The following COL23A1 variants were observed in gnomAD, a reference collection of about 807,000 sequenced individuals.
COL23A1 encodes collagen alpha-1(XXIII) chain.
COL23A1 carries 97 observed loss-of-function variants against 99.3 expected under a neutral mutation model. That is an observed-to-expected ratio of 0.98 (90% CI 0.83 to 1.16). The LOEUF is 1.16. Ranked by LOEUF, COL23A1 falls within the 50% of genes most tolerant of loss-of-function variation. COL23A1 has a pLI of 0.00. For synonymous variants in COL23A1, 320 were observed against 308.2 expected, an observed-to-expected ratio of 1.04 and a Z score of -0.40; for missense variants, 762 against 757.4, an observed-to-expected ratio of 1.01 and a Z score of -0.07.
intron 2 of COL23A1, among the ~76,000 whole-genome samples, chr5:178,532,354 C>A (rs150272972): frequency 8.5e-5 from 13 of 152,230 alleles, no homozygotes; most frequent in African/African-American, 3.1e-4. Flanking sequence ...TTAGGAGCAG[C>A]CTTAAGAAAG....
intron 2 of COL23A1, among the ~76,000 whole-genome samples, chr5:178,499,607 AG>A (rs926082773): frequency 3.6e-4 from 55 of 152,254 alleles, no homozygotes; most frequent in African/African-American, 1.3e-3. Flanking sequence ...AGAGGAACCC[AG>A]GAAGATATGA....
chr5:178,249,156 G>A lies in COL23A1; in HGVS notation c.1110C>T (p.Leu370=). 1.2e-6 allele frequency: 2 copies of A among 1,614,202 alleles called. No homozygotes were observed. Among genetic ancestry groups the A allele is most frequent in the East Asian group, 2.2e-5 (1 of 44,888 alleles). ...GDPGEPGPAG[L]KGEAGEMGLS... Reference sequence around the variant, plus strand: ...AGCCCATCTCGCCTGCTTCCCCTTTGAGTCCTGCTGGCCCAGGCTCTCCTG... The same window carrying A: ...AGCCCATCTCGCCTGCTTCCCCTTTAAGTCCTGCTGGCCCAGGCTCTCCTG... Residue 370 remains leucine (L), a synonymous_variant, in exon 19 of 29, where the codon CTC becomes CTT. Transcript: ENST00000390654.
chr5:178,360,984 CAG>C (rs1318906287), intron 2 of COL23A1, among the ~76,000 whole-genome samples: 2 of 152,184 alleles, frequency 1.3e-5, no homozygotes, highest in Non-Finnish European at 2.9e-5. Flanking sequence ...ACTTGGCAAA[CAG>C]GGCTGGACTG....
At chr5:178,559,413 C>T (rs1311920230) in intron 2 of COL23A1, among the ~76,000 whole-genome samples, 2 of 151,184 alleles carry the variant, frequency 1.3e-5, no homozygotes, top group African/African-American at 2.4e-5. Flanking sequence ...CCCTGCATGT[C>T]GAGAAGTCTG....
At chr5:178,408,563 G>T (rs1764878000) in intron 2 of COL23A1, among the ~76,000 whole-genome samples, 1 of 152,018 alleles carries the variant, frequency 6.6e-6, no homozygotes, top group African/African-American at 2.4e-5. Flanking sequence ...GAATGTAATG[G>T]GAGGAAAGGT....
Position 178,590,160 on chromosome 5 carries a change from G to A in COL23A1, c.38C>T (p.Ala13Val). ...GCCGCCCGCCGCATTGCCCTTCCCC[G>A]CGTCGCCGCCGCCACCGGCGCGCTC... The part of the protein sequence containing the change: ...PGERAGGGGD[A>V]GKGNAAGGGG... The change falls in exon 1 of 29, where the codon GCG (alanine) becomes GTG (valine). Residue 13 changes from alanine (A) to valine (V), a missense_variant. By Grantham distance (64) the Ala-to-Val change is moderately conservative. Transcript: ENST00000390654. The surrounding 1 kb of genome is among the most constrained non-coding windows in gnomAD (Gnocchi z 5.7). 8.2e-7 allele frequency: 1 copy of A among 1,224,164 alleles called. No individual in the cohort carries two copies. The highest frequency in any genetic ancestry group is 1.0e-6 in the Non-Finnish European group (1 of 987,434). The allele number at this position is 1,224,164 out of a possible 1,614,324, so 75.8% of individuals were successfully genotyped here.
At chr5:178,473,089 C>T (rs1486109894) in intron 2 of COL23A1, among the ~76,000 whole-genome samples, 2 of 27,508 alleles carry the variant, frequency 7.3e-5, no homozygotes, top group Non-Finnish European at 1.9e-4. Flanking sequence ...TGCCACTGCA[C>T]TCCAGCCTGG....
intron 2 of COL23A1, among the ~76,000 whole-genome samples, chr5:178,433,674 C>G (rs1310437468): frequency 6.6e-6 from 1 of 152,162 alleles, no homozygotes; most frequent in Non-Finnish European, 1.5e-5. Context: ...CTGAATAGTC[C>G]AAGGATTTTA....
chr5:178,287,596 A>AC (rs138113593), intron 5 of COL23A1, among the ~76,000 whole-genome samples: 1,614 of 152,252 alleles, frequency 0.011, 15 homozygotes, highest in Non-Finnish European at 0.015. Context: ...TCCTGACTGC[A>AC]CAGATCTGTC....
At chr5:178,343,300 G>A (rs2094618620) in intron 2 of COL23A1, among the ~76,000 whole-genome samples, 1 of 152,182 alleles carries the variant, frequency 6.6e-6, no homozygotes, top group Non-Finnish European at 1.5e-5. Flanking sequence ...ACAGGATGGG[G>A]ACTAGGTGGA....
chr5:178,292,225 C>G (rs922495146), intron 3 of COL23A1, among the ~76,000 whole-genome samples: 8 of 93,184 alleles, frequency 8.6e-5, no homozygotes, highest in Non-Finnish European at 2.3e-4. Context: ...GCGCCTGTGC[C>G]CGCACCTGCC....
chr5:178,444,557 G>C (rs987133853), intron 2 of COL23A1, among the ~76,000 whole-genome samples: 1 of 152,178 alleles, frequency 6.6e-6, no homozygotes, highest in Non-Finnish European at 1.5e-5. Flanking sequence ...CACTTTGGGA[G>C]GCCAAGGCAG....
intron 16 of COL23A1, 78 bp downstream of exon 16, chr5:178,254,871 A>G: frequency 1.6e-6 from 2 of 1,290,188 alleles, no homozygotes; most frequent in Non-Finnish European, 2.2e-6. Flanking sequence ...AAAGTGCAGG[A>G]TTAATCACAA....
At chr5:178,347,466 T>C (rs2127671835) in intron 2 of COL23A1, among the ~76,000 whole-genome samples, 1 of 151,814 alleles carries the variant, frequency 6.6e-6, no homozygotes, top group African/African-American at 2.4e-5. Flanking sequence ...GGCTTCTCTC[T>C]GGGGTGATGG....
At position 178,330,803 on chromosome 5, in the gene COL23A1, C is replaced by T. The variant is rs75642748; in HGVS notation, c.362-23884G>A. ...TCTCTGCTCTTTCACCCCAGCTGCA[C>T]AATCCTCTTTCAGGGCAGGTGGGCT... On this transcript the variant is annotated intron_variant, in intron 2 of 28. Coordinates refer to ENST00000390654, the MANE Select transcript of COL23A1 (RefSeq NM_173465.4). Among the ~76,000 whole-genome samples, 772 of 152,338 alleles carry T rather than the reference C, an allele frequency of 5.1e-3. 5 individuals are homozygous for T. The highest frequency in any genetic ancestry group is 7.0e-3 in the Non-Finnish European group (476 of 68,034).
At chr5:178,524,016 C>T (rs745430529) in intron 2 of COL23A1, among the ~76,000 whole-genome samples, 2 of 152,182 alleles carry the variant, frequency 1.3e-5, no homozygotes, top group African/African-American at 2.4e-5. Context: ...TGAGCGTCTG[C>T]GGGGACACTG....
At chr5:178,258,679 G>GCCAC (rs1454643960) in intron 12 of COL23A1, among the ~76,000 whole-genome samples, 1 of 152,004 alleles carries the variant, frequency 6.6e-6, no homozygotes, top group Non-Finnish European at 1.5e-5. Flanking sequence ...ACAGGCGTCA[G>GCCAC]CCACCGCTCT....
At chr5:178,454,379 C>T (rs1449316933) in intron 2 of COL23A1, among the ~76,000 whole-genome samples, 1 of 152,156 alleles carries the variant, frequency 6.6e-6, no homozygotes, top group African/African-American at 2.4e-5. Flanking sequence ...GTGCAGATAA[C>T]CTAGGCCTGC....
chr5:178,483,318 T>TA (rs113034396), intron 2 of COL23A1, among the ~76,000 whole-genome samples: 2,225 of 147,884 alleles, frequency 0.015, 63 homozygotes, highest in African/African-American at 0.051. Context: ...ACTGAGGAAT[T>TA]AAAAAAAAAA....
Sources: gnomAD v4.1 joint callset for allele counts (sites outside exome capture counted in the v4.1 genomes callset) on GRCh38, gnomAD v4.1.1 for gene constraint, Gnocchi (gnomAD v3.1) non-coding constraint, MANE v1.5 for transcripts, NCBI Gene and HGNC (gene_info 2026-07-23, HGNC 2026-07-21) for gene names.